The following SLIT3 variants were observed in gnomAD, a reference collection of about 807,000 sequenced individuals.
SLIT3 encodes slit homolog 3 protein.
In SLIT3, 68 loss-of-function variants were observed where a neutral mutation model predicts 184.0. That is an observed-to-expected ratio of 0.37 (90% confidence interval 0.30 to 0.45). The LOEUF is 0.45. SLIT3 is among the 20% of genes least tolerant of loss of function. SLIT3 has a pLI of 1.00. For missense variants in SLIT3, 1,707 were observed against 2,026.0 expected, an observed-to-expected ratio of 0.84 and a Z score of 3.02; for synonymous variants, 831 against 828.6, an observed-to-expected ratio of 1.00 and a Z score of -0.05.
intron 4 of SLIT3, among the ~76,000 whole-genome samples, chr5:169,046,647 G>A (rs895816699): frequency 1.2e-4 from 18 of 152,298 alleles, no homozygotes; most frequent in African/African-American, 2.6e-4. Context: ...CCTTTTGGGC[G>A]CTGGAGACTG....
At chr5:169,073,441 C>T (rs893075979) in intron 4 of SLIT3, among the ~76,000 whole-genome samples, 1 of 151,798 alleles carries the variant, frequency 6.6e-6, no homozygotes, top group African/African-American at 2.4e-5. Context: ...CTTCTTCCAA[C>T]ATTTGGGGAA....
intron 4 of SLIT3, among the ~76,000 whole-genome samples, chr5:169,109,860 C>T (rs1760349640): frequency 6.6e-6 from 1 of 152,178 alleles, no homozygotes; most frequent in Non-Finnish European, 1.5e-5. Context: ...TGTTTTCTTT[C>T]CTCCCTTCTC....
At chr5:168,987,355 A>T (rs1755165147) in intron 4 of SLIT3, among the ~76,000 whole-genome samples, 4 of 151,960 alleles carry the variant, frequency 2.6e-5, no homozygotes, top group African/African-American at 9.7e-5. Context: ...ATGTGGTCCT[A>T]TTTTTCTATT....
chr5:168,701,416 C>T (rs1762208721), intron 26 of SLIT3, among the ~76,000 whole-genome samples: 1 of 152,174 alleles, frequency 6.6e-6, no homozygotes, highest in South Asian at 2.1e-4. Context: ...GGTGGGGAAC[C>T]TTTGCGATAG....
At chr5:168,781,521 T>G (rs1229185766) in intron 12 of SLIT3, among the ~76,000 whole-genome samples, 1 of 152,208 alleles carries the variant, frequency 6.6e-6, no homozygotes, top group Non-Finnish European at 1.5e-5. Context: ...CTGCTTCTTC[T>G]GCTGGAGACA....
At chr5:168,966,291 A>C (rs1273035023) in intron 4 of SLIT3, among the ~76,000 whole-genome samples, 3 of 151,970 alleles carry the variant, frequency 2.0e-5, no homozygotes, top group African/African-American at 7.3e-5. Context: ...GACCCAGATG[A>C]AGTTCAATCA....
chr5:169,117,774 C>T (rs1760733178), intron 4 of SLIT3, among the ~76,000 whole-genome samples: 1 of 152,210 alleles, frequency 6.6e-6, no homozygotes, highest in Non-Finnish European at 1.5e-5. Flanking sequence ...AACTCTGTTT[C>T]TCCTATACAA....
At chr5:169,298,679 T>G (rs374049615) in intron 1 of SLIT3, among the ~76,000 whole-genome samples, 1 of 152,126 alleles carries the variant, frequency 6.6e-6, no homozygotes, top group African/African-American at 2.4e-5. Context: ...AACTGACCCT[T>G]GTTCCAAGGA....
intron 4 of SLIT3, among the ~76,000 whole-genome samples, chr5:168,973,243 A>AATT (rs1382176766): frequency 1.6e-4 from 24 of 151,888 alleles, no homozygotes; most frequent in African/African-American, 5.8e-4. Context: ...TGAAAATTTT[A>AATT]ATTATTATTA....
intron 20 of SLIT3, among the ~76,000 whole-genome samples, chr5:168,740,126 C>T (rs1347212932): frequency 1.3e-5 from 2 of 152,150 alleles, no homozygotes; most frequent in Non-Finnish European, 2.9e-5. Flanking sequence ...GAGACCTAAA[C>T]ATTTAAGAGC....
intron 4 of SLIT3, among the ~76,000 whole-genome samples, chr5:169,127,966 G>T (rs1396672523): frequency 6.6e-6 from 1 of 151,858 alleles, no homozygotes; most frequent in Non-Finnish European, 1.5e-5. Flanking sequence ...TAAATAAGGA[G>T]GGAAGCATCC....
intron 1 of SLIT3, among the ~76,000 whole-genome samples, chr5:169,293,403 T>C (rs142268554): frequency 0.011 from 1,662 of 152,250 alleles, 16 homozygotes; most frequent in Middle Eastern, 0.02. Flanking sequence ...AACCTTCGTG[T>C]GGTTGGAACT....
intron 4 of SLIT3, among the ~76,000 whole-genome samples, chr5:168,990,995 T>C (rs1392292723): frequency 6.6e-6 from 1 of 152,152 alleles, no homozygotes; most frequent in African/African-American, 2.4e-5. Flanking sequence ...GGGATGGGAA[T>C]GGTCATCTTC....
chr5:169,139,592 C>T (rs559005274), intron 4 of SLIT3, among the ~76,000 whole-genome samples: 24 of 152,334 alleles, frequency 1.6e-4, no homozygotes, highest in African/African-American at 5.3e-4. Context: ...GCCCACCCCC[C>T]CAGGGGCTCC....
At chr5:168,893,264 T>A (rs1181578322) in intron 4 of SLIT3, among the ~76,000 whole-genome samples, 1 of 152,176 alleles carries the variant, frequency 6.6e-6, no homozygotes, top group Non-Finnish European at 1.5e-5. Flanking sequence ...TTTGTTTATC[T>A]CTTATTGTTT....
rs79058058 is a variant in SLIT3, at chr5:169,130,601, C to T, written c.413+62878G>A. ...ACTGCTGTATCCTCCCTGCCTAAAA[C>T]AGTGCCTAGCCCAAAGTAGGCACCT... On this transcript the variant is annotated intron_variant, in intron 4 of 35. Transcript: ENST00000519560. 5.6e-3 allele frequency among the ~76,000 whole-genome samples: 858 copies of T among 152,328 alleles called. 9 individuals carry two copies. Among genetic ancestry groups the T allele is most frequent in the Non-Finnish European group, 0.01 (683 of 68,020 alleles).
At chr5:169,236,724 G>C (rs529475050) in intron 3 of SLIT3, among the ~76,000 whole-genome samples, 1 of 152,018 alleles carries the variant, frequency 6.6e-6, no homozygotes, top group Non-Finnish European at 1.5e-5. Context: ...CCCACCTTGG[G>C]CTCCAAAAGT....
chr5:168,700,438 C>T (rs1009643974), intron 27 of SLIT3, 144 bp downstream of exon 27: 1 of 648,508 alleles, frequency 1.5e-6, no homozygotes, highest in African/African-American at 1.8e-5. Flanking sequence ...TGCCTTCTGC[C>T]ATGATTGTGA....
At chr5:169,084,993 C>A (rs1377151118) in intron 4 of SLIT3, among the ~76,000 whole-genome samples, 1 of 151,812 alleles carries the variant, frequency 6.6e-6, no homozygotes, top group Non-Finnish European at 1.5e-5. Flanking sequence ...CTGCTATCAA[C>A]AACAACAACC....
Sources: allele counts gnomAD v4.1 joint callset (sites outside exome capture counted in the v4.1 genomes callset), GRCh38; gene constraint gnomAD v4.1.1; transcripts MANE v1.5; gene names NCBI Gene and HGNC (gene_info 2026-07-23, HGNC 2026-07-21).